The following LARP1B variants were observed in gnomAD, a reference collection of about 807,000 sequenced individuals.
LARP1B encodes La ribonucleoprotein 1B, also known as la-related protein 1B.
Under a neutral mutation model 114.2 loss-of-function variants are expected in LARP1B, and 76 were observed. That is an observed-to-expected ratio of 0.67 (90% CI 0.55 to 0.81). The LOEUF (loss-of-function observed/expected upper bound fraction) is 0.81, where lower values mean the gene tolerates loss of function less well. Ranked by LOEUF, LARP1B falls within the 30% of genes least tolerant of loss-of-function variation. The pLI, the probability that LARP1B is intolerant of heterozygous loss-of-function variation, is 0.00. For missense variants in LARP1B, 1,014 were observed against 1,075.8 expected (o/e 0.94, Z 0.80); for synonymous variants, 345 against 348.0 (o/e 0.99, Z 0.10).
At chr4:128,076,495 G>A (rs1321814677) in intron 3 of LARP1B, among the ~76,000 whole-genome samples, 1 of 152,070 alleles carries the variant, frequency 6.6e-6, no homozygotes, top group East Asian at 1.9e-4. Context: ...AACACAGTTT[G>A]TCCATTCACC....
chr4:128,205,760 T>C (rs542639657), intron 17 of LARP1B, among the ~76,000 whole-genome samples: 27 of 152,312 alleles, frequency 1.8e-4, no homozygotes, highest in Middle Eastern at 6.8e-3. Flanking sequence ...AAAGATACCA[T>C]TATAAATTTT....
intron 15 of LARP1B, among the ~76,000 whole-genome samples, chr4:128,190,930 C>T (rs990732400): frequency 6.6e-6 from 1 of 152,152 alleles, no homozygotes; most frequent in African/African-American, 2.4e-5. Context: ...TCATTGAATG[C>T]CAGTGGCTCT....
At chr4:128,198,123 G>A (rs1016056617) in intron 15 of LARP1B, among the ~76,000 whole-genome samples, 1 of 152,036 alleles carries the variant, frequency 6.6e-6, no homozygotes, top group African/African-American at 2.4e-5. Context: ...GACCTCAGGT[G>A]ATCCGCCAAC....
chr4:128,122,339 A>G (rs571421028), intron 11 of LARP1B, 151 bp downstream of exon 11: 44 of 1,463,758 alleles, frequency 3.0e-5, no homozygotes, highest in Non-Finnish European at 3.9e-5. Flanking sequence ...AATATACCTG[A>G]TAATTACCAC....
At chr4:128,161,939 T>C (rs902767197) in intron 11 of LARP1B, among the ~76,000 whole-genome samples, 1 of 152,138 alleles carries the variant, frequency 6.6e-6, no homozygotes, top group Non-Finnish European at 1.5e-5. Flanking sequence ...AACAAATAAT[T>C]AATGATTAGT....
At chr4:128,097,718 T>C (rs13102049) in intron 7 of LARP1B, among the ~76,000 whole-genome samples, 91,682 of 152,000 alleles carry the variant, frequency 0.6, 28,541 homozygotes, top group Middle Eastern at 0.8. Flanking sequence ...TTTCTGTATG[T>C]GAATTTGACA....
At chr4:128,131,074 G>C (rs1185611098) in intron 11 of LARP1B, among the ~76,000 whole-genome samples, 1 of 152,172 alleles carries the variant, frequency 6.6e-6, no homozygotes, top group African/African-American at 2.4e-5. Context: ...GGCAGTGACA[G>C]TATTTTCTAT....
intron 5 of LARP1B, 149 bp from the exon 6 acceptor site, chr4:128,090,852 T>G (rs1775659562): frequency 1.8e-6 from 1 of 562,464 alleles, no homozygotes; most frequent in South Asian, 2.7e-5. Flanking sequence ...TCTTATTGGA[T>G]CTCTTCAGTT....
chr4:128,075,100 A>G lies in LARP1B; in HGVS notation c.42+107A>G, dbSNP rs1408345318. On this transcript the variant is annotated intron_variant, in intron 3 of 19. Transcript: ENST00000326639. ...ATGTAAAGAATTGTCATACTGGGGGACAGATTTTTTTTATTTTTTTGAGAC... is the reference window on the plus strand; with the variant it reads ...ATGTAAAGAATTGTCATACTGGGGGGCAGATTTTTTTTATTTTTTTGAGAC... 2.9e-5 allele frequency: 23 copies of G among 793,194 alleles called. No homozygotes were observed. The East Asian group carries it at 6.1e-4, about 21-fold the overall frequency. The allele number at this position is 793,194 out of a possible 1,614,324, so 49.1% of individuals were successfully genotyped here.
intron 15 of LARP1B, among the ~76,000 whole-genome samples, chr4:128,185,423 A>G (rs1260444043): frequency 6.6e-6 from 1 of 152,040 alleles, no homozygotes; most frequent in East Asian, 1.9e-4. Context: ...TATCTTCTTG[A>G]TAATTAGTAA....
At chr4:128,076,163 A>G (rs1268211903) in intron 3 of LARP1B, among the ~76,000 whole-genome samples, 1 of 152,000 alleles carries the variant, frequency 6.6e-6, no homozygotes, top group Non-Finnish European at 1.5e-5. Flanking sequence ...ACAGGCACGC[A>G]CCACCACATC....
At chr4:128,096,811 AG>A (rs1488491187) in intron 7 of LARP1B, among the ~76,000 whole-genome samples, 2 of 152,044 alleles carry the variant, frequency 1.3e-5, no homozygotes, top group East Asian at 3.9e-4. Context: ...CATGTTAGCC[AG>A]GATGGTCTCG....
chr4:128,081,348 G>A (rs1323424354), intron 4 of LARP1B, among the ~76,000 whole-genome samples: 1 of 148,982 alleles, frequency 6.7e-6, no homozygotes, highest in Non-Finnish European at 1.5e-5. Context: ...CAAAGTGCTA[G>A]GATTACAGGC....
chr4:128,084,027 G>C (rs1191650836), intron 5 of LARP1B, among the ~76,000 whole-genome samples: 2 of 152,124 alleles, frequency 1.3e-5, no homozygotes, highest in East Asian at 1.9e-4. Flanking sequence ...TCAGACGATG[G>C]GCGGCCGGGC....
In LARP1B at chr4:128,061,854, C is replaced by G. The variant is rs1298224518; in HGVS notation, c.-78+453C>G. 3.0e-6 allele frequency: 3 copies of G among 984,754 alleles called. No individual in the cohort carries two copies. The African/African-American group carries it at 5.2e-5, about 17-fold the overall frequency. 61.0% of individuals were successfully genotyped at this position (984,754 alleles called of 1,614,324 possible). A position where few individuals can be genotyped will look rare whatever the true frequency, so the allele number is the denominator to read the frequency against. ...GAGGCGGCGAGGGAGGAGAGGGCCG[C>G]GGCCGCCACTAGCGCTGGGGCGCGG... On this transcript the variant is annotated intron_variant, in intron 1 of 19. Coordinates refer to ENST00000326639, the MANE Select transcript of LARP1B (RefSeq NM_018078.4).
intron 1 of LARP1B, among the ~76,000 whole-genome samples, chr4:128,065,320 TCTCTC>T (rs1762259141): frequency 1.6e-4 from 13 of 82,302 alleles, no homozygotes; most frequent in African/African-American, 4.4e-4. Context: ...TTTCTTTCTC[TCTCTC>T]TCTCTCTTTC....
In LARP1B at chr4:128,123,015, C is replaced by T. The variant is rs146839003; in HGVS notation, c.1524+827C>T. On this transcript the variant is annotated intron_variant, in intron 11 of 19. Coordinates refer to ENST00000326639, the MANE Select transcript of LARP1B (RefSeq NM_018078.4). Reference sequence around the variant, plus strand: ...AGGGAAAATTATATAACATTATATGCCAAATAGGAAACTGATCTTGGTTGG... The same window carrying T: ...AGGGAAAATTATATAACATTATATGTCAAATAGGAAACTGATCTTGGTTGG... 1,187 of 984,880 alleles carry T rather than the reference C, an allele frequency of 1.2e-3. 2 individuals carry two copies. The highest frequency in any genetic ancestry group is 1.4e-3 in the Non-Finnish European group (1,123 of 829,632). 61.0% of individuals were successfully genotyped at this position (984,880 alleles called of 1,614,324 possible). A position where few individuals can be genotyped will look rare whatever the true frequency, so the allele number is the denominator to read the frequency against.
chr4:128,140,536 A>G (rs954565754), intron 11 of LARP1B, among the ~76,000 whole-genome samples: 9 of 152,232 alleles, frequency 5.9e-5, no homozygotes, highest in Admixed American at 2.6e-4. Context: ...ATTACTACGT[A>G]AGTCAGAATT....
At chr4:128,171,890 A>T (rs191209534) in intron 12 of LARP1B, among the ~76,000 whole-genome samples, 1,743 of 151,772 alleles carry the variant, frequency 0.011, 28 homozygotes, top group Middle Eastern at 0.069. Flanking sequence ...CCCTACAAGT[A>T]ATGCATCTCT....
Sources: allele counts gnomAD v4.1 joint callset (sites outside exome capture counted in the v4.1 genomes callset), GRCh38; gene constraint gnomAD v4.1.1; transcripts MANE v1.5; gene names NCBI Gene and HGNC (gene_info 2026-07-23, HGNC 2026-07-21).